The following ZHX1 variants were observed in gnomAD, a reference collection of about 807,000 sequenced individuals.
ZHX1 encodes the protein zinc fingers and homeoboxes protein 1.
A neutral mutation model predicts 61.8 loss-of-function variants in ZHX1; 20 were observed. The observed-to-expected ratio is 0.32, with a 90% CI of 0.23 to 0.47. The LOEUF is 0.47. ZHX1 is among the 20% of genes least tolerant of loss of function. The pLI is 1.00. For synonymous variants in ZHX1, 318 were observed against 352.6 expected (o/e 0.90, Z 1.10); for missense variants, 800 against 1,034.8 (o/e 0.77, Z 3.11).
At chr8:123,262,551 T>C (rs763088811) in intron 2 of ZHX1, among the ~76,000 whole-genome samples, 3 of 152,194 alleles carry the variant, frequency 2.0e-5, no homozygotes, top group Non-Finnish European at 2.9e-5. Flanking sequence ...CCCGTTACGT[T>C]GCCCAGGCTG....
rs1445817391 is a variant in ZHX1 at position 123,258,822 on chromosome 8, T to C, written c.-225-2651A>G. Among the ~76,000 whole-genome samples, 3 of 152,340 alleles carry C rather than the reference T, an allele frequency of 2.0e-5. No homozygotes were observed. The East Asian group carries it at 5.8e-4, about 29-fold the overall frequency. Reference sequence around the variant, plus strand: ...AAAATTTTTAAAATAAAAAGTTTTATGCTAAGTAAAGTTTGTGTTTCTGAA... The same window carrying C: ...AAAATTTTTAAAATAAAAAGTTTTACGCTAAGTAAAGTTTGTGTTTCTGAA... On this transcript the variant is annotated intron_variant, in intron 2 of 3. Coordinates refer to ENST00000395571, the MANE Select transcript of ZHX1 (RefSeq NM_007222.5).
rs1170030362 is a variant in ZHX1, at chr8:123,255,850, G to A, written c.97C>T (p.Pro33Ser). 3.0e-5 allele frequency: 48 copies of A among 1,614,050 alleles called. No individual in the cohort carries two copies. Among genetic ancestry groups the A allele is most frequent in the Non-Finnish European group, 4.0e-5 (47 of 1,180,028 alleles). ...GTGTTTTCTACAGGTGTAAGCACAG[G>A]AGGACCTTCATCCAAATCTGATATC... ...ELISDLDEGP[P>S]VLTPVENTRA... Residue 33 changes from proline to serine, a missense_variant, in exon 3 of 4, where the codon CCT becomes TCT. Physicochemically the swap from Pro to Ser is moderately conservative, Grantham distance 74 (BLOSUM62 -1). Transcript: ENST00000395571.
At chr8:123,265,473 A>C (rs775794485) in intron 2 of ZHX1, among the ~76,000 whole-genome samples, 8 of 152,230 alleles carry the variant, frequency 5.3e-5, no homozygotes, top group Non-Finnish European at 1.2e-4. Flanking sequence ...CGGAATGCCT[A>C]AACAGTACAA....
In ZHX1 at chr8:123,256,007, A is replaced by G. The variant is rs910425274; in HGVS notation, c.-61T>C. The G allele has an allele frequency of 4.1e-6, 6 of 1,456,426 alleles. No individual in the cohort carries two copies. Among genetic ancestry groups the G allele is most frequent in the Non-Finnish European group, 4.6e-6 (5 of 1,088,294 alleles). 90.2% of individuals were successfully genotyped at this position (1,456,426 alleles called of 1,614,324 possible). On this transcript the variant is annotated 5_prime_UTR_variant, in exon 3 of 4. The change abolishes the stop of an existing upstream ORF in the 5' untranslated region. Coordinates refer to ENST00000395571, the MANE Select transcript of ZHX1 (RefSeq NM_007222.5). ...AAAGCATCGAGGCTTAAAACTGTTC[A>G]GTGTTCTTCATTTGAAAACAATGGC...
At chr8:123,263,304 C>T (rs1323728095) in intron 2 of ZHX1, among the ~76,000 whole-genome samples, 3 of 151,976 alleles carry the variant, frequency 2.0e-5, no homozygotes, top group African/African-American at 7.3e-5. Flanking sequence ...ACCCATCAAT[C>T]AACTTATGAT....
Position 123,249,184 on chromosome 8 carries a change from T to A in ZHX1, c.*1140A>T, listed in dbSNP as rs181392373. 2.6e-4 allele frequency: 39 copies of A among 152,706 alleles called. No homozygotes were observed. Among genetic ancestry groups the A allele is most frequent in the Admixed American group, 7.8e-4 (12 of 15,298 alleles). The allele number at this position is 152,706 out of a possible 1,614,324, so 9.5% of individuals were successfully genotyped here. ...ACATTTCTTCTACGAAGAAAGCGCA[T>A]TTTGAAAAATGGTCCTATGGTCACA... On this transcript the variant is annotated 3_prime_UTR_variant, in exon 4 of 4. Transcript: ENST00000395571.
chr8:123,259,810 G>A (rs1174640188), intron 2 of ZHX1, among the ~76,000 whole-genome samples: 2 of 152,108 alleles, frequency 1.3e-5, no homozygotes, highest in Non-Finnish European at 2.9e-5. Flanking sequence ...TTTTAAGCAG[G>A]GGAGCCCTTT....
At chr8:123,268,076 T>C (rs940403222) in intron 1 of ZHX1, among the ~76,000 whole-genome samples, 3 of 152,220 alleles carry the variant, frequency 2.0e-5, no homozygotes, top group Non-Finnish European at 2.9e-5. Context: ...TGGGAGTAGT[T>C]GTATATGTTT....
intron 2 of ZHX1, among the ~76,000 whole-genome samples, chr8:123,259,573 T>C (rs1826183460): frequency 6.6e-6 from 1 of 152,320 alleles, no homozygotes; most frequent in East Asian, 1.9e-4. Flanking sequence ...CATGGTAAGA[T>C]ACTGTTTCTA....
chr8:123,261,249 G>A (rs1028633091), intron 2 of ZHX1, among the ~76,000 whole-genome samples: 3 of 152,156 alleles, frequency 2.0e-5, no homozygotes, highest in Admixed American at 2.0e-4. Context: ...AAAGTCATAA[G>A]TTTGGAGGAA....
chr8:123,272,678 TCAGA>T (rs1276562438), intron 1 of ZHX1, among the ~76,000 whole-genome samples: 1 of 152,208 alleles, frequency 6.6e-6, no homozygotes, highest in Non-Finnish European at 1.5e-5. Flanking sequence ...ATTAAAGCTT[TCAGA>T]CAAAGACTGA....
chr8:123,257,363 A>AC (rs1411515087), intron 2 of ZHX1: 1 of 152,204 alleles, frequency 6.6e-6, no homozygotes, highest in African/African-American at 2.4e-5. Context: ...CCCTTTCACA[A>AC]CCTAGTCTAA....
Position 123,267,333 on chromosome 8 carries a change from T to C in ZHX1, c.-286A>G. On this transcript the variant is annotated 5_prime_UTR_variant, in exon 2 of 4. Transcript: ENST00000395571. ...TGGAAGGGTATCCCTTCTAGTTAGATGTTTAGCTCAGGCCATCATTACCAA... is the reference window on the plus strand; with the variant it reads ...TGGAAGGGTATCCCTTCTAGTTAGACGTTTAGCTCAGGCCATCATTACCAA... 2 of 1,514,848 alleles carry C rather than the reference T, an allele frequency of 1.3e-6. No individual in the cohort carries two copies. The highest frequency in any genetic ancestry group is 1.8e-6 in the Non-Finnish European group (2 of 1,132,238). 93.8% of individuals were successfully genotyped at this position (1,514,848 alleles called of 1,614,324 possible).
intron 2 of ZHX1, among the ~76,000 whole-genome samples, chr8:123,261,376 A>G (rs981938130): frequency 6.6e-6 from 1 of 152,154 alleles, no homozygotes; most frequent in African/African-American, 2.4e-5. Flanking sequence ...TTTTGCAGTC[A>G]CCTCTGTCAA....
At chr8:123,274,797 G>C (rs1274898903), upstream of ZHX1, among the ~76,000 whole-genome samples, 1 of 152,106 alleles carries the variant, frequency 6.6e-6, no homozygotes, top group Non-Finnish European at 1.5e-5. Flanking sequence ...CTTGCGCTCC[G>C]CCTTCCTAAT....
chr8:123,263,479 T>C (rs1826352904), intron 2 of ZHX1, among the ~76,000 whole-genome samples: 2 of 152,136 alleles, frequency 1.3e-5, no homozygotes, highest in South Asian at 4.1e-4. Context: ...TACTTAGCTA[T>C]CCACTATATT....
chr8:123,261,569 A>G (rs1219944954), intron 2 of ZHX1, among the ~76,000 whole-genome samples: 2 of 152,190 alleles, frequency 1.3e-5, no homozygotes, highest in Non-Finnish European at 2.9e-5. Context: ...AGCAGTAAAC[A>G]ATTACTTAGA....
rs1826010340 is a variant in ZHX1 at position 123,254,443 on chromosome 8, C to T, written c.1504G>A (p.Gly502Ser). 1.9e-6 allele frequency: 3 copies of T among 1,614,134 alleles called. No individual in the cohort carries two copies. The Admixed American group carries it at 5.0e-5, about 27-fold the overall frequency. ...TTTTTAATCTCTCCTTTCGTCAGGC[C>T]TGTTATTTTCATAAGTCTGATAATT... ...SEIIRLMKIT[G>S]LTKGEIKKWF... is the part of the protein sequence containing the mutation. Residue 502 changes from glycine (G) to serine (S), a missense_variant, in exon 3 of 4, where the codon GGC becomes AGC. Coordinates refer to ENST00000395571, the MANE Select transcript of ZHX1 (RefSeq NM_007222.5). The surrounding 1 kb of genome is among the most constrained non-coding windows in gnomAD (Gnocchi z 4.1).
chr8:123,259,466 T>G (rs1398119398), intron 2 of ZHX1, among the ~76,000 whole-genome samples: 1 of 152,138 alleles, frequency 6.6e-6, no homozygotes, highest in Admixed American at 6.5e-5. Context: ...TGGCTCCAAA[T>G]AAGTGGTCCA....
Sources: allele counts gnomAD v4.1 joint callset (sites outside exome capture counted in the v4.1 genomes callset), GRCh38; gene constraint gnomAD v4.1.1; non-coding constraint Gnocchi (gnomAD v3.1); transcripts MANE v1.5; gene names NCBI Gene and HGNC (gene_info 2026-07-23, HGNC 2026-07-21).